Variants in CAMK2G observed in about 807,000 individuals in gnomAD.
CAMK2G encodes calcium/calmodulin dependent protein kinase II gamma, also known as calcium/calmodulin-dependent protein kinase type II subunit gamma.
A neutral mutation model predicts 88.7 loss-of-function variants in CAMK2G; 23 were observed. That is an observed-to-expected ratio of 0.26 (90% CI 0.19 to 0.37). The LOEUF (loss-of-function observed/expected upper bound fraction) is 0.37. Among genes scored for constraint, CAMK2G ranks in the 10% least tolerant of loss-of-function variants. CAMK2G has a pLI of 1.00. For synonymous variants in CAMK2G, 263 were observed against 294.8 expected (o/e 0.89, Z 1.11); for missense variants, 476 against 780.8 (o/e 0.61, Z 4.65).
rs934365981 is a variant in CAMK2G, at chr10:73,868,480, G to A, written c.160+4509C>T. On this transcript the variant is annotated intron_variant, in intron 2 of 22. Coordinates refer to ENST00000423381, the MANE Select transcript of CAMK2G (RefSeq NM_001367534.1). ...CCTTTGCACAGAGGGACCTGCAGTC[G>A]GCTTCCATCCCTTCAGGAGAGAAAG... Among the ~76,000 whole-genome samples the A allele has an allele frequency of 1.6e-4, 24 of 152,284 alleles. No individual in the cohort carries two copies. In the East Asian group the frequency reaches 3.7e-3, roughly 23 times the overall value.
chr10:73,842,499 C>T lies in CAMK2G; in HGVS notation c.862G>A (p.Val288Met). The change falls in exon 11 of 23, where the codon GTG (valine) becomes ATG (methionine). Residue 288 changes from valine (V) to methionine (M), a missense_variant. Val to Met is a conservative substitution (Grantham distance 21, BLOSUM62 1). Transcript: ENST00000423381. The surrounding 1 kb of genome is among the most constrained non-coding windows in gnomAD (Gnocchi z 4.6). ...VASMMHRQET[V>M]ECLRKFNARR... is the part of the protein sequence containing the mutation. ...GCATTGAACTTGCGCAAACACTCCA[C>T]AGTCTCCTGACGATGCATCATGGAT... 6.2e-7 allele frequency: 1 copy of T among 1,614,010 alleles called. No individual in the cohort carries two copies. The highest frequency in any genetic ancestry group is 8.5e-7 in the Non-Finnish European group (1 of 1,179,860).
At position 73,837,475 on chromosome 10, in the gene CAMK2G, C is replaced by A. The variant is rs762486971; in HGVS notation, c.1046G>T (p.Gly349Val). Residue 349 changes from glycine (G) to valine (V), a missense_variant, in exon 14 of 23, where the codon GGT (glycine) becomes GTT (valine). Physicochemically the swap from Gly to Val is moderately radical, Grantham distance 109. Transcript: ENST00000423381. ...GAGGCTGGAGACACTTACCTTGACACCGCCATCCGACTTCTTGTTCAATAG... is the reference window on the plus strand; with the variant it reads ...GAGGCTGGAGACACTTACCTTGACAACGCCATCCGACTTCTTGTTCAATAG... ...KSLLNKKSDG[G>V]VKKRKSSSSV... 3 of 1,613,434 alleles carry A rather than the reference C, an allele frequency of 1.9e-6. No individual in the cohort carries two copies. In the South Asian group the frequency reaches 3.3e-5, roughly 18 times the overall value.
Position 73,815,376 on chromosome 10 carries a change from C to T in CAMK2G, c.1535-129G>A, listed in dbSNP as rs529023502. 5 of 654,736 alleles carry T rather than the reference C, an allele frequency of 7.6e-6. No individual in the cohort carries two copies. In the African/African-American group the frequency reaches 9.2e-5, roughly 12 times the overall value. 40.6% of individuals were successfully genotyped at this position (654,736 alleles called of 1,614,324 possible). The stretch of plus-strand genomic sequence containing the variant: ...CCAGAATCTCCAAGTACCGCCCCCC[C>T]CCACCCCCGAACCCCTGAACGCCCT... On this transcript the variant is annotated intron_variant, in intron 21 of 22. Transcript: ENST00000423381.
Position 73,819,556 on chromosome 10 carries a change from G to C in CAMK2G, c.1339C>G (p.Gln447Glu), listed in dbSNP as rs1249972752. The C allele has an allele frequency of 4.5e-6, 7 of 1,549,052 alleles. No homozygotes were observed. The highest frequency in any genetic ancestry group is 4.4e-6 in the Non-Finnish European group (5 of 1,146,330). The change falls in exon 19 of 23, where the codon CAG becomes GAG. Residue 447 changes from glutamine to glutamate, a missense_variant. Gln to Glu is a conservative substitution (Grantham distance 29). Coordinates refer to ENST00000423381, the MANE Select transcript of CAMK2G (RefSeq NM_001367534.1). ...RTAPSAGMQP[Q>E]PSLCSSAMRK... ...CTGGCTGAGGAGCAGAGAGAAGGCT[G>C]GGGCTGCATGCCTGCAGAGGGGGCT...
intron 21 of CAMK2G, chr10:73,815,829 G>A: frequency 1.0e-6 from 1 of 985,502 alleles, no homozygotes; most frequent in Non-Finnish European, 1.2e-6. Flanking sequence ...ATTCTCTGGG[G>A]AAAAGGCAAA....
intron 2 of CAMK2G, among the ~76,000 whole-genome samples, chr10:73,867,509 A>G (rs2095639020): frequency 6.6e-6 from 1 of 152,162 alleles, no homozygotes; most frequent in Non-Finnish European, 1.5e-5. Flanking sequence ...GCCCCTAAAA[A>G]TAGCTCCTCC....
At chr10:73,855,498 T>C (rs541274518) in intron 3 of CAMK2G, among the ~76,000 whole-genome samples, 77 of 152,270 alleles carry the variant, frequency 5.1e-4, no homozygotes, top group African/African-American at 1.7e-3. Context: ...CACTGAGCCC[T>C]GCCTCAGCCA....
chr10:73,850,925 A>G (rs1681104992), intron 5 of CAMK2G, among the ~76,000 whole-genome samples: 1 of 152,186 alleles, frequency 6.6e-6, no homozygotes, highest in Non-Finnish European at 1.5e-5. Flanking sequence ...AAAAATGGCA[A>G]AAGTGCGAAG....
chr10:73,837,598 C>G, intron 13 of CAMK2G, 87 bp from the exon 14 acceptor site: 1 of 1,073,120 alleles, frequency 9.3e-7, no homozygotes, highest in Non-Finnish European at 1.5e-6. Context: ...CAAGAGAGTG[C>G]TGTGTCTGAC....
At chr10:73,819,674 G>T (rs1469947955) in intron 18 of CAMK2G, 29 bp from the exon 19 acceptor site, 2 of 1,372,520 alleles carry the variant, frequency 1.5e-6, no homozygotes, top group Admixed American at 2.1e-5. Flanking sequence ...GCAGGGCAGG[G>T]CAAGGCAGAG....
chr10:73,859,851 G>A (rs775901477), intron 3 of CAMK2G, among the ~76,000 whole-genome samples: 14 of 152,264 alleles, frequency 9.2e-5, no homozygotes, highest in Non-Finnish European at 1.9e-4. Flanking sequence ...TGGGAAGCCA[G>A]GGGCTGGGTA....
In CAMK2G at chr10:73,874,494, C is replaced by G. The variant is rs762333285; in HGVS notation, c.-33G>C. The stretch of plus-strand genomic sequence containing the variant: ...GGCGGGCGGACGCGGCGGTGCAGCC[C>G]GCGCCGACGTCGGTGCACAGTCACC... On this transcript the variant is annotated 5_prime_UTR_variant, in exon 1 of 23. Transcript: ENST00000423381. 10 of 1,448,284 alleles carry G rather than the reference C, an allele frequency of 6.9e-6. No individual in the cohort carries two copies. The African/African-American group carries it at 7.3e-5, about 11-fold the overall frequency. 89.7% of individuals were successfully genotyped at this position (1,448,284 alleles called of 1,614,324 possible).
Position 73,824,996 on chromosome 10 carries a change from C to A in CAMK2G, c.1155+283G>T, listed in dbSNP as rs2090423322. ...CCCCACAGCAGACCCACTAGGGGTC[C>A]TGGGCTGGGCCTGGGAGGTTCAGCT... On this transcript the variant is annotated intron_variant, in intron 16 of 22. Coordinates refer to ENST00000423381, the MANE Select transcript of CAMK2G (RefSeq NM_001367534.1). Among the ~76,000 whole-genome samples, 4 of 152,350 alleles carry A rather than the reference C, an allele frequency of 2.6e-5. No individual in the cohort carries two copies. The South Asian group carries it at 8.3e-4, about 32-fold the overall frequency.
chr10:73,863,228 C>A (rs927116084), intron 2 of CAMK2G, among the ~76,000 whole-genome samples: 1 of 152,190 alleles, frequency 6.6e-6, no homozygotes, highest in Non-Finnish European at 1.5e-5. Context: ...TCAGGCCTTC[C>A]TTCCTGTGCC....
intron 14 of CAMK2G, among the ~76,000 whole-genome samples, chr10:73,829,149 G>A (rs1039456361): frequency 6.6e-6 from 1 of 151,726 alleles, no homozygotes; most frequent in Non-Finnish European, 1.5e-5. Flanking sequence ...GCATTTTCAG[G>A]GATTATTATT....
At chr10:73,853,737 A>G (rs577407605) in intron 3 of CAMK2G, among the ~76,000 whole-genome samples, 2 of 152,342 alleles carry the variant, frequency 1.3e-5, no homozygotes, top group African/African-American at 4.8e-5. Flanking sequence ...GGTGCAGGAT[A>G]ATGGATGGTG....
At chr10:73,860,525 C>T (rs2095327474) in intron 3 of CAMK2G, among the ~76,000 whole-genome samples, 1 of 152,176 alleles carries the variant, frequency 6.6e-6, no homozygotes, top group Admixed American at 6.5e-5. Flanking sequence ...AGCCCGGAAC[C>T]TCACACGCTG....
At chr10:73,828,033 T>C in intron 15 of CAMK2G, 56 bp downstream of exon 15, 1 of 1,453,580 alleles carries the variant, frequency 6.9e-7, no homozygotes, top group South Asian at 1.1e-5. Context: ...TTTGCGTGGC[T>C]GGCAGGCGGG....
At chr10:73,865,374 G>C (rs1317713906) in intron 2 of CAMK2G, among the ~76,000 whole-genome samples, 1 of 152,174 alleles carries the variant, frequency 6.6e-6, no homozygotes, top group Admixed American at 6.5e-5. Context: ...CCTCGCAGCC[G>C]TGGCACCCTG....
Sources: allele counts gnomAD v4.1 joint callset (sites outside exome capture counted in the v4.1 genomes callset), GRCh38; gene constraint gnomAD v4.1.1; non-coding constraint Gnocchi (gnomAD v3.1); transcripts MANE v1.5; gene names NCBI Gene and HGNC (gene_info 2026-07-23, HGNC 2026-07-21).